The following PDE10A variants were observed in gnomAD, a reference collection of about 807,000 sequenced individuals.
PDE10A encodes the protein cAMP and cAMP-inhibited cGMP 3',5'-cyclic phosphodiesterase 10A.
Under a neutral mutation model 97.7 loss-of-function variants are expected in PDE10A, and 39 were observed. That is an observed-to-expected ratio of 0.40 (90% confidence interval 0.31 to 0.52). The LOEUF (loss-of-function observed/expected upper bound fraction) is 0.52, where lower values mean the gene tolerates loss of function less well. Among genes scored for constraint, PDE10A ranks in the 20% least tolerant of loss-of-function variants. The pLI is 0.56. For missense variants in PDE10A, 731 were observed against 1,047.8 expected, an observed-to-expected ratio of 0.70 and a Z score of 4.17; for synonymous variants, 371 against 376.8, an observed-to-expected ratio of 0.98 and a Z score of 0.18.
intron 1 of PDE10A, among the ~76,000 whole-genome samples, chr6:165,569,572 T>G (rs1784950768): frequency 6.6e-6 from 1 of 152,346 alleles, no homozygotes; most frequent in Non-Finnish European, 1.5e-5. Context: ...TCTGTTTACC[T>G]TCACAGCCTG....
intron 1 of PDE10A, among the ~76,000 whole-genome samples, chr6:165,950,313 T>A (rs1284874454): frequency 1.3e-5 from 2 of 152,202 alleles, no homozygotes; most frequent in African/African-American, 2.4e-5. Flanking sequence ...TAGCCATAAG[T>A]TTTTTACCCA....
intron 1 of PDE10A, among the ~76,000 whole-genome samples, chr6:165,701,791 A>ATG (rs776709357): frequency 4.7e-5 from 7 of 150,260 alleles, no homozygotes; most frequent in African/African-American, 1.2e-4. Context: ...GTGTGTGTGC[A>ATG]TGTGTGTGTG....
intron 13 of PDE10A, among the ~76,000 whole-genome samples, chr6:165,406,089 C>A (rs1787125821): frequency 6.6e-6 from 1 of 151,982 alleles, no homozygotes; most frequent in Admixed American, 6.6e-5. Context: ...CTGAACTCGG[C>A]TGAAATTAGT....
At chr6:165,799,807 G>A (rs113720642) in intron 1 of PDE10A, among the ~76,000 whole-genome samples, 3 of 152,246 alleles carry the variant, frequency 2.0e-5, no homozygotes, top group African/African-American at 7.2e-5. Flanking sequence ...GTGGACCATC[G>A]TAACTCTGGG....
Position 165,655,903 on chromosome 6 carries a change from T to A in PDE10A, c.865+6044A>T, listed in dbSNP as rs1789929780. 6.6e-6 allele frequency among the ~76,000 whole-genome samples: 1 copy of A among 151,880 alleles called. No homozygotes were observed. Among genetic ancestry groups the A allele is most frequent in the South Asian group, 2.1e-4 (1 of 4,804 alleles). ...CCTTGTGAGCCCCCTCTGCCTAGGG[T>A]GCTTTTCCCCAGATAACTGCATGGC... On this transcript the variant is annotated intron_variant, in intron 1 of 21. Coordinates refer to ENST00000539869, the MANE Select transcript of PDE10A (RefSeq NM_001385079.1). The surrounding 1 kb of genome is among the most constrained non-coding windows in gnomAD (Gnocchi z 4.5).
intron 2 of PDE10A, among the ~76,000 whole-genome samples, chr6:165,516,999 A>G (rs1781850967): frequency 6.6e-6 from 1 of 151,174 alleles, no homozygotes. Context: ...CCTTATATTC[A>G]TCACATTACC....
chr6:165,707,626 G>A (rs1791748451), intron 1 of PDE10A, among the ~76,000 whole-genome samples: 1 of 151,816 alleles, frequency 6.6e-6, no homozygotes, highest in Non-Finnish European at 1.5e-5. Context: ...GTGTGAGCAT[G>A]TGTTGTGTGT....
chr6:165,926,023 A>T (rs1782923934), intron 1 of PDE10A, among the ~76,000 whole-genome samples: 3 of 152,228 alleles, frequency 2.0e-5, no homozygotes, highest in Admixed American at 2.0e-4. Context: ...TTACAATTGC[A>T]TAAAAATCTT....
chr6:165,763,349 G>C (rs1188315041), intron 1 of PDE10A, among the ~76,000 whole-genome samples: 1 of 152,118 alleles, frequency 6.6e-6, no homozygotes. Flanking sequence ...TTGAGATGGA[G>C]TCTTGCTCTG....
At chr6:165,928,215 G>T (rs2128490039) in intron 1 of PDE10A, among the ~76,000 whole-genome samples, 1 of 152,236 alleles carries the variant, frequency 6.6e-6, no homozygotes, top group East Asian at 1.9e-4. Flanking sequence ...TCCTGCATGG[G>T]CGTCCTCAAA....
At chr6:165,387,978 G>C (rs1489005845) in intron 17 of PDE10A, among the ~76,000 whole-genome samples, 2 of 152,096 alleles carry the variant, frequency 1.3e-5, no homozygotes, top group African/African-American at 4.8e-5. Flanking sequence ...ATATCTTCTT[G>C]TTCAAGAATA....
chr6:165,969,420 A>G (rs1784606903), intron 1 of PDE10A, among the ~76,000 whole-genome samples: 1 of 152,180 alleles, frequency 6.6e-6, no homozygotes, highest in Non-Finnish European at 1.5e-5. Flanking sequence ...AATTGTTCAA[A>G]TAAGACACAG....
rs748111095 is a variant in PDE10A, at chr6:165,875,731, GTT to G, written c.-615+111796_-615+111797del. Reference sequence around the variant, plus strand: ...CTGATAGGACTTATTTTCTTTTACTGTTTTTTTTTTTTTTTTGTGTGTGTGTG... The same window carrying G: ...CTGATAGGACTTATTTTCTTTTACTGTTTTTTTTTTTTTTGTGTGTGTGTG... On this transcript the variant is annotated intron_variant, in intron 1 of 19. Transcript: ENST00000366882. Among the ~76,000 whole-genome samples the G allele has an allele frequency of 2.2e-3, 105 of 46,940 alleles. 1 individual carries two copies. The highest frequency in any genetic ancestry group is 8.0e-3 in the African/African-American group (103 of 12,842). 30.8% of individuals were successfully genotyped at this position (46,940 alleles called of 152,430 possible). A position where few individuals can be genotyped will look rare whatever the true frequency, so the allele number is the denominator to read the frequency against.
At chr6:165,445,018 A>G (rs1192158424) in intron 5 of PDE10A, among the ~76,000 whole-genome samples, 1 of 152,080 alleles carries the variant, frequency 6.6e-6, no homozygotes, top group Non-Finnish European at 1.5e-5. Flanking sequence ...GTTATTTAAG[A>G]CTTTCTTGCT....
intron 11 of PDE10A, among the ~76,000 whole-genome samples, chr6:165,417,260 T>A (rs1281855425): frequency 2.0e-5 from 3 of 152,198 alleles, no homozygotes; most frequent in African/African-American, 7.2e-5. Context: ...TTGAACAACA[T>A]AAACACAATG....
chr6:165,536,354 C>T (rs951335988), intron 2 of PDE10A, among the ~76,000 whole-genome samples: 6 of 151,832 alleles, frequency 4.0e-5, no homozygotes, highest in East Asian at 1.9e-4. Flanking sequence ...AACTAAGAAG[C>T]TACCAGAAAA....
At chr6:165,723,089 G>A (rs906354445) in intron 1 of PDE10A, among the ~76,000 whole-genome samples, 13 of 152,014 alleles carry the variant, frequency 8.6e-5, no homozygotes, top group African/African-American at 2.4e-4. Context: ...CCTATGCCTC[G>A]CTTGCTGATC....
intron 1 of PDE10A, among the ~76,000 whole-genome samples, chr6:165,602,523 C>CA (rs1787011475): frequency 6.6e-6 from 1 of 152,162 alleles, no homozygotes; most frequent in African/African-American, 2.4e-5. Flanking sequence ...TACCATGAAG[C>CA]TATATACCAT....
intron 18 of PDE10A, among the ~76,000 whole-genome samples, chr6:165,373,988 C>A (rs1182815550): frequency 2.0e-5 from 3 of 148,276 alleles, no homozygotes; most frequent in Middle Eastern, 3.5e-3. Context: ...GGACAAAAAA[C>A]CAAACACCGC....
Sources: gnomAD v4.1 joint callset for allele counts (sites outside exome capture counted in the v4.1 genomes callset) on GRCh38, gnomAD v4.1.1 for gene constraint, Gnocchi (gnomAD v3.1) non-coding constraint, MANE v1.5 for transcripts, NCBI Gene and HGNC (gene_info 2026-07-23, HGNC 2026-07-21) for gene names.